The following ZFHX2 variants were observed in gnomAD, a reference collection of about 807,000 sequenced individuals.
The protein encoded by ZFHX2 is zinc finger homeobox protein 2.
Under a neutral mutation model 164.8 loss-of-function variants are expected in ZFHX2, and 75 were observed. The observed-to-expected ratio is 0.46, with a 90% CI of 0.38 to 0.55. ZFHX2 has a LOEUF of 0.55. Among genes scored for constraint, ZFHX2 ranks in the 20% least tolerant of loss-of-function variants. ZFHX2 has a pLI of 0.00. For synonymous variants in ZFHX2, 1,217 were observed against 1,351.4 expected, an observed-to-expected ratio of 0.90 and a Z score of 2.18; for missense variants, 2,933 against 3,308.0, an observed-to-expected ratio of 0.89 and a Z score of 2.78.
chr14:23,529,028 C>CATT (rs1879167460), intron 6 of ZFHX2, among the ~76,000 whole-genome samples: 1 of 152,256 alleles, frequency 6.6e-6, no homozygotes, highest in East Asian at 1.9e-4. Flanking sequence ...GGACATAAGG[C>CATT]ATTACTTCAG....
Position 23,523,656 on chromosome 14 carries a change from C to T in ZFHX2, c.6286G>A (p.Glu2096Lys). The change falls in exon 9 of 10, where the codon GAG (glutamate) becomes AAG (lysine). Residue 2096 changes from glutamate to lysine, a missense_variant. Transcript: ENST00000419474. This position sits in a 1 kb window ranked among gnomAD's most constrained non-coding sequence, Gnocchi z 4.1. ...AYRTPTMQEC[E>K]VLGEEIGLPK... ...AGCCCAATCTCCTCTCCCAGCACCT[C>T]ACACTCCTGCATGGTGGGGGTGCGG... 3 of 1,545,712 alleles carry T rather than the reference C, an allele frequency of 1.9e-6. No individual in the cohort carries two copies. The highest frequency in any genetic ancestry group is 8.7e-7 in the Non-Finnish European group (1 of 1,151,466).
In ZFHX2 at chr14:23,521,951, G is replaced by A. The variant is rs1417081245; in HGVS notation, c.*11C>T. ...TGAGGCCCTCCCCTCTCCCCATCTT[G>A]GTTAATCTGTTTATAAAGCTAGAAG... On this transcript the variant is annotated 3_prime_UTR_variant, in exon 10 of 10. Coordinates refer to ENST00000419474, the MANE Select transcript of ZFHX2 (RefSeq NM_033400.3). 1 of 1,535,978 alleles carries A rather than the reference G, an allele frequency of 6.5e-7. No individual in the cohort carries two copies. The highest frequency in any genetic ancestry group is 1.7e-4 in the Middle Eastern group (1 of 5,982).
At chr14:23,538,774 G>C (rs1206263215) in intron 1 of ZFHX2, among the ~76,000 whole-genome samples, 1 of 152,066 alleles carries the variant, frequency 6.6e-6, no homozygotes, top group Non-Finnish European at 1.5e-5. Flanking sequence ...GGTTGGGGAC[G>C]GTCAGGGAAG....
At chr14:23,531,341 C>T (rs1015810866) in intron 4 of ZFHX2, 140 bp downstream of exon 4, 48 of 1,233,706 alleles carry the variant, frequency 3.9e-5, no homozygotes, top group Admixed American at 7.1e-5. Flanking sequence ...CTTATCCCTT[C>T]GCAGCTTCTT....
At chr14:23,544,955 C>CT (rs955372404) in intron 1 of ZFHX2, among the ~76,000 whole-genome samples, 3 of 152,120 alleles carry the variant, frequency 2.0e-5, no homozygotes, top group African/African-American at 7.2e-5. Context: ...CCCCTCTCCT[C>CT]TTTCATTCTC....
rs1880027893 is a variant in ZFHX2 at position 23,535,394 on chromosome 14, G to C, written c.-49-20C>G. 8 of 1,424,842 alleles carry C rather than the reference G, an allele frequency of 5.6e-6. No individual in the cohort carries two copies. Among genetic ancestry groups the C allele is most frequent in the Middle Eastern group, 4.0e-4 (2 of 4,942 alleles). The allele number at this position is 1,424,842 out of a possible 1,614,324, so 88.3% of individuals were successfully genotyped here. Reference sequence around the variant, plus strand: ...AGTACCCTGTAGGGAGACAAGGAGAGAGCAGTGCTGTGAGGCTGCAGGGAC... The same window carrying C: ...AGTACCCTGTAGGGAGACAAGGAGACAGCAGTGCTGTGAGGCTGCAGGGAC... On this transcript the variant is annotated intron_variant, in intron 1 of 9. Transcript: ENST00000419474. This position sits in a 1 kb window ranked among gnomAD's most constrained non-coding sequence, Gnocchi z 4.5.
At chr14:23,537,800 G>A (rs530866726) in intron 1 of ZFHX2, among the ~76,000 whole-genome samples, 20 of 152,306 alleles carry the variant, frequency 1.3e-4, no homozygotes, top group African/African-American at 4.3e-4. Context: ...AAGGGTGCTG[G>A]TTTGTGAGGG....
In ZFHX2 at chr14:23,534,019, C is replaced by T. The variant is rs1336628245; in HGVS notation, c.1307G>A (p.Ser436Asn). 16 of 1,536,608 alleles carry T rather than the reference C, an allele frequency of 1.0e-5. No homozygotes were observed. The highest frequency in any genetic ancestry group is 1.4e-5 in the Non-Finnish European group (16 of 1,146,684). ...GAGCAGGGACATGTGGCTGGACAGGCTGAGGCCCTGGAAGGCTGCAGGGGC... is the reference window on the plus strand; with the variant it reads ...GAGCAGGGACATGTGGCTGGACAGGTTGAGGCCCTGGAAGGCTGCAGGGGC... ...TPAPAAFQGL[S>N]LSSHMSLLHS... Residue 436 changes from serine to asparagine, a missense_variant, in exon 2 of 10, where the codon AGC becomes AAC. Ser to Asn is a conservative substitution (Grantham distance 46, BLOSUM62 1). Coordinates refer to ENST00000419474, the MANE Select transcript of ZFHX2 (RefSeq NM_033400.3). This position sits in a 1 kb window ranked among gnomAD's most constrained non-coding sequence, Gnocchi z 4.5.
intron 1 of ZFHX2, among the ~76,000 whole-genome samples, chr14:23,536,390 C>G (rs1880144962): frequency 6.6e-6 from 1 of 152,160 alleles, no homozygotes; most frequent in African/African-American, 2.4e-5. Flanking sequence ...ATTGATTTCC[C>G]CTGGCATGCA....
rs752607927 is a variant in ZFHX2 at position 23,522,472 on chromosome 14, C to T, written c.7209G>A (p.Pro2403=). The T allele has an allele frequency of 3.1e-5, 48 of 1,535,106 alleles. No homozygotes were observed. The highest frequency in any genetic ancestry group is 2.6e-4 in the African/African-American group (19 of 73,094). ...IGLLPNALLQ[P]PPQPPEPTAT... ...CTGTGGGCTCAGGGGGCTGGGGTGG[C>T]GGCTGGAGGAGGGCATTGGGGAGCA... Residue 2403 remains proline, a synonymous_variant, in exon 10 of 10, where the codon CCG becomes CCA. Coordinates refer to ENST00000419474, the MANE Select transcript of ZFHX2 (RefSeq NM_033400.3).
Position 23,533,145 on chromosome 14 carries a change from G to T in ZFHX2, c.2042-61C>A, listed in dbSNP as rs1176069624. 6 of 1,461,684 alleles carry T rather than the reference G, an allele frequency of 4.1e-6. No homozygotes were observed. Among genetic ancestry groups the T allele is most frequent in the African/African-American group, 1.4e-5 (1 of 70,760 alleles). The allele number at this position is 1,461,684 out of a possible 1,614,324, so 90.5% of individuals were successfully genotyped here. On this transcript the variant is annotated intron_variant, in intron 2 of 9. Coordinates refer to ENST00000419474, the MANE Select transcript of ZFHX2 (RefSeq NM_033400.3). The surrounding 1 kb of genome is among the most constrained non-coding windows in gnomAD (Gnocchi z 4.8). Reference sequence around the variant, plus strand: ...AAATGGGGCACGGTTGGTTCTCTATGTGGGGAGGTGGGTTAATGAGTAGGA... The same window carrying T: ...AAATGGGGCACGGTTGGTTCTCTATTTGGGGAGGTGGGTTAATGAGTAGGA...
chr14:23,537,541 T>C (rs73589274), intron 1 of ZFHX2, among the ~76,000 whole-genome samples: 2,519 of 152,262 alleles, frequency 0.017, 76 homozygotes, highest in African/African-American at 0.058. Flanking sequence ...CCTGGGGTTC[T>C]AGCCAGGCAT....
Position 23,523,664 on chromosome 14 carries a change from T to G in ZFHX2, c.6278A>C (p.Gln2093Pro), listed in dbSNP as rs1414455381. 3 of 1,543,000 alleles carry G rather than the reference T, an allele frequency of 1.9e-6. No individual in the cohort carries two copies. Among genetic ancestry groups the G allele is most frequent in the African/African-American group, 1.4e-5 (1 of 73,376 alleles). ...CYEAYRTPTM[Q>P]ECEVLGEEIG... ...CTCCTCTCCCAGCACCTCACACTCC[T>G]GCATGGTGGGGGTGCGGTAAGCTTC... Residue 2093 changes from glutamine to proline, a missense_variant, in exon 9 of 10, where the codon CAG becomes CCG. Transcript: ENST00000419474. This position sits in a 1 kb window ranked among gnomAD's most constrained non-coding sequence, Gnocchi z 4.1.
rs1481709217 is a variant in ZFHX2, at chr14:23,524,547, T to C, written c.5395A>G (p.Ser1799Gly). Reference protein sequence around the residue: ...RLHFLPSLQPSAPPQLLDLPL... With the variant: ...RLHFLPSLQPGAPPQLLDLPL... ...AGATCTAGGAGTTGGGGGGGAGCAC[T>C]GGGCTGCAGAGATGGCAGGAAATGT... Residue 1799 changes from serine (S) to glycine (G), a missense_variant, in exon 9 of 10, where the codon AGT becomes GGT. Ser to Gly is a moderately conservative substitution (Grantham distance 56, BLOSUM62 0). Transcript: ENST00000419474. The surrounding 1 kb of genome is among the most constrained non-coding windows in gnomAD (Gnocchi z 5.6). The C allele has an allele frequency of 2.0e-6, 3 of 1,529,482 alleles. No homozygotes were observed. In the South Asian group the frequency reaches 3.6e-5, roughly 19 times the overall value. 94.7% of individuals were successfully genotyped at this position (1,529,482 alleles called of 1,614,324 possible). A position where few individuals can be genotyped will look rare whatever the true frequency, so the allele number is the denominator to read the frequency against.
Position 23,534,092 on chromosome 14 carries a change from G to T in ZFHX2, c.1234C>A (p.Pro412Thr). ...CGATAGGGCTGGGGTGGGTCACTGG[G>T]GTCTTCGGGGGAGCCCACTGGGGCA... ...LPAPVGSPED[P>T]SDPPQPYRLA... The change falls in exon 2 of 10, where the codon CCC (proline) becomes ACC (threonine). Residue 412 changes from proline to threonine, a missense_variant. Transcript: ENST00000419474. The surrounding 1 kb of genome is among the most constrained non-coding windows in gnomAD (Gnocchi z 4.5). 6.7e-7 allele frequency: 1 copy of T among 1,500,254 alleles called. No homozygotes were observed. Among genetic ancestry groups the T allele is most frequent in the Non-Finnish European group, 8.9e-7 (1 of 1,127,906 alleles). The allele number at this position is 1,500,254 out of a possible 1,614,324, so 92.9% of individuals were successfully genotyped here. A position where few individuals can be genotyped will look rare whatever the true frequency, so the allele number is the denominator to read the frequency against.
In ZFHX2 at chr14:23,533,281, T is replaced by C; in HGVS notation, c.2041+4A>G. ...GAGAAGAGGGAAGAAGCACAGAAGC[T>C]TACCGGATGTGGGGAACTTGCGGGC... On this transcript the variant is annotated splice_donor_region_variant and intron_variant, in intron 2 of 9. Coordinates refer to ENST00000419474, the MANE Select transcript of ZFHX2 (RefSeq NM_033400.3). The surrounding 1 kb of genome is among the most constrained non-coding windows in gnomAD (Gnocchi z 4.8). 7.0e-7 allele frequency: 1 copy of C among 1,436,298 alleles called. No individual in the cohort carries two copies. The highest frequency in any genetic ancestry group is 9.1e-7 in the Non-Finnish European group (1 of 1,099,372). The allele number at this position is 1,436,298 out of a possible 1,614,324, so 89.0% of individuals were successfully genotyped here. A position where few individuals can be genotyped will look rare whatever the true frequency, so the allele number is the denominator to read the frequency against.
upstream of ZFHX2, among the ~76,000 whole-genome samples, chr14:23,553,889 G>A (rs181564102): frequency 1.7e-3 from 255 of 151,920 alleles, no homozygotes; most frequent in African/African-American, 4.8e-3. Context: ...GCGAGACTCC[G>A]TCTCAAACAA....
chr14:23,544,015 G>T (rs1881103978), intron 1 of ZFHX2: 1 of 152,140 alleles, frequency 6.6e-6, no homozygotes, highest in Admixed American at 6.6e-5. Flanking sequence ...ACTTTGGGAG[G>T]CCGAGGTGGG....
At chr14:23,549,761 C>G (rs1881775652) in intron 1 of ZFHX2, among the ~76,000 whole-genome samples, 2 of 152,234 alleles carry the variant, frequency 1.3e-5, no homozygotes, top group South Asian at 4.1e-4. Flanking sequence ...GGGTTATATG[C>G]CCCTGGAAGC....
Sources: allele counts gnomAD v4.1 joint callset (sites outside exome capture counted in the v4.1 genomes callset), GRCh38; gene constraint gnomAD v4.1.1; non-coding constraint Gnocchi (gnomAD v3.1); transcripts MANE v1.5; gene names NCBI Gene and HGNC (gene_info 2026-07-23, HGNC 2026-07-21).